Variants in VDAC1 observed in about 807,000 individuals in gnomAD.
The protein encoded by VDAC1 is non-selective voltage-gated ion channel VDAC1.
A neutral mutation model predicts 34.7 loss-of-function variants in VDAC1; 10 were observed. The ratio of observed to expected loss-of-function variants is 0.29; its 90% confidence interval spans 0.18 to 0.49. The LOEUF (loss-of-function observed/expected upper bound fraction) is 0.49. Ranked by LOEUF, VDAC1 falls within the 20% of genes least tolerant of loss-of-function variation. VDAC1 has a pLI of 0.99. For synonymous variants in VDAC1, 130 were observed against 136.0 expected (o/e 0.96, Z 0.30); for missense variants, 230 against 347.9 (o/e 0.66, Z 2.69).
At chr5:134,107,369 C>T in the VDAC1 span, among the ~76,000 whole-genome samples, 1 of 152,268 alleles carries the variant, frequency 6.6e-6, no homozygotes, top group Non-Finnish European at 1.5e-5. Context: ...CTGGCCAGCT[C>T]TGACTGCTAG....
chr5:134,091,837 G>C, the VDAC1 span, among the ~76,000 whole-genome samples: 2 of 152,342 alleles, frequency 1.3e-5, no homozygotes, highest in South Asian at 4.1e-4. Flanking sequence ...CCCCAGATTA[G>C]TGACAGAGCC....
At chr5:134,055,244 G>C in the VDAC1 span, among the ~76,000 whole-genome samples, 8 of 152,178 alleles carry the variant, frequency 5.3e-5, no homozygotes, top group Non-Finnish European at 8.8e-5. Flanking sequence ...TGTTTCTTAG[G>C]AATGGCAGTT....
chr5:134,020,202 C>T, the VDAC1 span, among the ~76,000 whole-genome samples: 1 of 151,980 alleles, frequency 6.6e-6, no homozygotes. Context: ...CAGATAAAGC[C>T]TTTCCTGCCA....
At chr5:134,088,983 C>T in the VDAC1 span, among the ~76,000 whole-genome samples, 34 of 152,244 alleles carry the variant, frequency 2.2e-4, 2 homozygotes, top group African/African-American at 8.2e-4. Flanking sequence ...GTTCCTTCAT[C>T]ATCATGGCAG....
At chr5:134,053,089 T>C in the VDAC1 span, among the ~76,000 whole-genome samples, 1 of 151,856 alleles carries the variant, frequency 6.6e-6, no homozygotes, top group Admixed American at 6.6e-5. Flanking sequence ...CACTCCAGCC[T>C]GGGCAACAAG....
the VDAC1 span, among the ~76,000 whole-genome samples, chr5:134,094,319 C>T: frequency 6.6e-6 from 1 of 152,194 alleles, no homozygotes; most frequent in Non-Finnish European, 1.5e-5. Flanking sequence ...GTCTGTCTTC[C>T]CATCAGGGTC....
At chr5:133,996,674 C>A (rs1435303788) in intron 1 of VDAC1, among the ~76,000 whole-genome samples, 2 of 151,862 alleles carry the variant, frequency 1.3e-5, no homozygotes, top group Admixed American at 1.3e-4. Context: ...TATAAAGATG[C>A]TAAGCCCTGG....
At position 133,992,934 on chromosome 5, in the gene VDAC1, T is replaced by C. The variant is rs747285292; in HGVS notation, c.67+12A>G. On this transcript the variant is annotated intron_variant, in intron 2 of 8. Coordinates refer to ENST00000265333, the MANE Select transcript of VDAC1 (RefSeq NM_003374.3). Reference sequence around the variant, plus strand: ...TGTGAGCTGAAAGGCACCCCCTCTCTGCAACACTCACCATAGCCCTTGGTG... The same window carrying C: ...TGTGAGCTGAAAGGCACCCCCTCTCCGCAACACTCACCATAGCCCTTGGTG... 6 of 1,611,952 alleles carry C rather than the reference T, an allele frequency of 3.7e-6. No individual in the cohort carries two copies. The highest frequency in any genetic ancestry group is 5.1e-6 in the Non-Finnish European group (6 of 1,178,762).
At chr5:134,083,205 T>C in the VDAC1 span, among the ~76,000 whole-genome samples, 1 of 151,056 alleles carries the variant, frequency 6.6e-6, no homozygotes, top group African/African-American at 2.4e-5. Flanking sequence ...TTTTTTTTTT[T>C]TGGGATGGGG....
At chr5:134,007,253 A>G (rs548118313), upstream of VDAC1, among the ~76,000 whole-genome samples, 7 of 151,268 alleles carry the variant, frequency 4.6e-5, no homozygotes, top group East Asian at 3.9e-4. Context: ...AAAAAAAAAA[A>G]AAAAGAAAAA....
At chr5:134,013,952 C>A in the VDAC1 span, among the ~76,000 whole-genome samples, 3 of 144,838 alleles carry the variant, frequency 2.1e-5, no homozygotes, top group East Asian at 2.1e-4. Context: ...CCATCCCACC[C>A]CCCGAAAAAA....
chr5:134,099,184 TC>T, the VDAC1 span, among the ~76,000 whole-genome samples: 19 of 152,130 alleles, frequency 1.2e-4, no homozygotes, highest in African/African-American at 4.6e-4. Context: ...GAGCACAGAC[TC>T]TTAAAAGTAG....
chr5:134,040,724 C>T, the VDAC1 span, among the ~76,000 whole-genome samples: 5 of 152,188 alleles, frequency 3.3e-5, no homozygotes, highest in African/African-American at 9.7e-5. Flanking sequence ...GAGATTCTGT[C>T]TCAAATATAA....
At chr5:133,990,780 A>G (rs1753075606) in intron 5 of VDAC1, 75 bp downstream of exon 5, 13 of 1,496,042 alleles carry the variant, frequency 8.7e-6, no homozygotes, top group South Asian at 1.4e-5. Context: ...CCCCCAAAAC[A>G]TTTTGTCACA....
At chr5:134,058,378 A>G in the VDAC1 span, among the ~76,000 whole-genome samples, 1 of 151,436 alleles carries the variant, frequency 6.6e-6, no homozygotes, top group Non-Finnish European at 1.5e-5. Flanking sequence ...AAGTGGTGCA[A>G]TCTCGGCTCA....
At chr5:133,992,545 A>G (rs1303169245) in intron 2 of VDAC1, among the ~76,000 whole-genome samples, 190 bp from the exon 3 acceptor site, 1 of 152,118 alleles carries the variant, frequency 6.6e-6, no homozygotes, top group African/African-American at 2.4e-5. Context: ...AGCAGACAGA[A>G]TGGGCACCCC....
the VDAC1 span, among the ~76,000 whole-genome samples, chr5:134,031,433 T>C: frequency 6.6e-6 from 1 of 152,162 alleles, no homozygotes; most frequent in East Asian, 1.9e-4. Context: ...AATTTTGAAA[T>C]AGGGAAATTA....
the VDAC1 span, among the ~76,000 whole-genome samples, chr5:134,041,136 T>C: frequency 6.6e-6 from 1 of 152,190 alleles, no homozygotes; most frequent in Non-Finnish European, 1.5e-5. Flanking sequence ...AGGGAAAACA[T>C]TACCAGCTCC....
the VDAC1 span, among the ~76,000 whole-genome samples, chr5:134,061,016 G>A: frequency 6.6e-6 from 1 of 150,442 alleles, no homozygotes; most frequent in African/African-American, 2.4e-5. Context: ...GGGATTGCAG[G>A]CACACACCAC....
Sources: allele counts gnomAD v4.1 joint callset (sites outside exome capture counted in the v4.1 genomes callset), GRCh38; gene constraint gnomAD v4.1.1; transcripts MANE v1.5; gene names NCBI Gene and HGNC (gene_info 2026-07-23, HGNC 2026-07-21).